Variants in MACROD2 observed in about 807,000 individuals in gnomAD.
MACROD2 encodes the protein mono-ADP ribosylhydrolase 2, also known as ADP-ribose glycohydrolase MACROD2.
Under a neutral mutation model 70.4 loss-of-function variants are expected in MACROD2, and 36 were observed. That is an observed-to-expected ratio of 0.51 (90% CI 0.39 to 0.68). The LOEUF is 0.68. Among genes scored for constraint, MACROD2 ranks in the 30% least tolerant of loss-of-function variants. The pLI is 0.00. For synonymous variants in MACROD2, 172 were observed against 178.8 expected (o/e 0.96, Z 0.30); for missense variants, 496 against 538.4 (o/e 0.92, Z 0.78).
intron 8 of MACROD2, among the ~76,000 whole-genome samples, chr20:15,535,474 G>A (rs896359986): frequency 2.6e-5 from 4 of 152,132 alleles, no homozygotes; most frequent in African/African-American, 4.8e-5. Flanking sequence ...CAGCAACTTC[G>A]GTTTTAGGAA....
chr20:15,389,600 A>T (rs2045765560), intron 6 of MACROD2, among the ~76,000 whole-genome samples: 2 of 152,188 alleles, frequency 1.3e-5, no homozygotes, highest in South Asian at 4.1e-4. Flanking sequence ...AAGTGTGAAT[A>T]TTTTTACTAA....
At chr20:15,292,358 CAT>C (rs374892435) in intron 6 of MACROD2, among the ~76,000 whole-genome samples, 82 of 152,302 alleles carry the variant, frequency 5.4e-4, no homozygotes, top group African/African-American at 1.9e-3. Flanking sequence ...AAAGGTCCAG[CAT>C]ATGACCCAGT....
At chr20:14,925,174 T>C (rs1459611756) in intron 5 of MACROD2, among the ~76,000 whole-genome samples, 1 of 152,160 alleles carries the variant, frequency 6.6e-6, no homozygotes, top group Non-Finnish European at 1.5e-5. Context: ...TCTCTCAATC[T>C]CATCTCAAAG....
At chr20:15,324,101 A>G (rs1000996114) in intron 6 of MACROD2, among the ~76,000 whole-genome samples, 5 of 151,816 alleles carry the variant, frequency 3.3e-5, no homozygotes, top group Non-Finnish European at 4.4e-5. Context: ...TTTTAATTTT[A>G]GTTTGGTTTA....
chr20:15,495,542 C>G (rs529385980), intron 7 of MACROD2, among the ~76,000 whole-genome samples: 1 of 152,264 alleles, frequency 6.6e-6, no homozygotes, highest in African/African-American at 2.4e-5. Flanking sequence ...TACTCTAAGG[C>G]TAAACACCCC....
chr20:15,816,894 A>G (rs1438202913), intron 8 of MACROD2, among the ~76,000 whole-genome samples: 1 of 152,144 alleles, frequency 6.6e-6, no homozygotes, highest in Non-Finnish European at 1.5e-5. Flanking sequence ...AAATTGATAA[A>G]CCCTGATGGT....
chr20:15,923,379 G>A (rs2065441014), intron 10 of MACROD2, among the ~76,000 whole-genome samples: 1 of 152,134 alleles, frequency 6.6e-6, no homozygotes, highest in African/African-American at 2.4e-5. Flanking sequence ...TCACTATCAT[G>A]AGAATAGCAC....
At chr20:14,013,714 C>T (rs1307558062) in intron 2 of MACROD2, among the ~76,000 whole-genome samples, 2 of 90,298 alleles carry the variant, frequency 2.2e-5, no homozygotes, top group Non-Finnish European at 4.0e-5. Context: ...GAGTTTCGCT[C>T]TTGTTGCCCA....
chr20:14,561,576 G>T (rs1450836223), intron 4 of MACROD2, among the ~76,000 whole-genome samples: 8 of 151,562 alleles, frequency 5.3e-5, no homozygotes, highest in Admixed American at 5.3e-4. Flanking sequence ...TTGTTCATTT[G>T]GGGGGTAAAC....
chr20:14,801,838 C>T (rs1459400917), intron 5 of MACROD2, among the ~76,000 whole-genome samples: 2 of 151,966 alleles, frequency 1.3e-5, no homozygotes, highest in African/African-American at 2.4e-5. Flanking sequence ...TGATTAACAC[C>T]GAGCATCACT....
intron 5 of MACROD2, among the ~76,000 whole-genome samples, chr20:14,883,188 T>A (rs1206819851): frequency 6.6e-6 from 1 of 152,208 alleles, no homozygotes; most frequent in Non-Finnish European, 1.5e-5. Flanking sequence ...CTAAAAAGTC[T>A]GTAATTACAT....
intron 2 of MACROD2, among the ~76,000 whole-genome samples, chr20:14,013,228 C>T (rs995948165): frequency 6.6e-6 from 1 of 150,532 alleles, no homozygotes; most frequent in Non-Finnish European, 1.5e-5. Context: ...TATAAGTGGA[C>T]CTGTGCTGTT....
At chr20:14,696,234 A>G (rs977835583) in intron 5 of MACROD2, among the ~76,000 whole-genome samples, 8 of 152,228 alleles carry the variant, frequency 5.3e-5, no homozygotes, top group Admixed American at 2.6e-4. Flanking sequence ...AGCTTAGTAA[A>G]GAAGCATTGA....
intron 15 of MACROD2, among the ~76,000 whole-genome samples, chr20:16,032,674 G>T (rs774996790): frequency 2.0e-5 from 3 of 149,950 alleles, no homozygotes; most frequent in Non-Finnish European, 4.4e-5. Flanking sequence ...AGGGATGGAT[G>T]AGAAGAGGGA....
chr20:15,030,666 C>CAGATAGATAGATAGATAGAT (rs60260667), intron 5 of MACROD2, among the ~76,000 whole-genome samples: 302 of 151,866 alleles, frequency 2.0e-3, no homozygotes, highest in African/African-American at 7.2e-3. Flanking sequence ...GATAGATAGA[C>CAGATAGATAGATAGATAGAT]AGATAGATAG....
rs111727452 is a variant in MACROD2 at position 15,687,286 on chromosome 20, GTATA to G, written c.646-175449_646-175446del. ...TGTGAGTATTGAATTACATGAAATT[GTATA>G]TATATATATTTTATATATATATATA... On this transcript the variant is annotated intron_variant, in intron 8 of 17. Coordinates refer to ENST00000684519, the MANE Select transcript of MACROD2 (RefSeq NM_001351661.2). Among the ~76,000 whole-genome samples the G allele has an allele frequency of 4.0e-3, 599 of 149,204 alleles. 6 individuals carry two copies. The highest frequency in any genetic ancestry group is 0.014 in the African/African-American group (570 of 40,724).
intron 8 of MACROD2, among the ~76,000 whole-genome samples, chr20:15,777,969 CA>C (rs2051761601): frequency 6.6e-6 from 1 of 152,090 alleles, no homozygotes; most frequent in African/African-American, 2.4e-5. Context: ...GTTTAGAATA[CA>C]ACGCTCCCAA....
chr20:14,990,199 A>G (rs757503689), intron 5 of MACROD2, among the ~76,000 whole-genome samples: 1 of 152,034 alleles, frequency 6.6e-6, no homozygotes, highest in African/African-American at 2.4e-5. Context: ...ATGTCAACGA[A>G]TGGGTTTTGG....
At chr20:14,706,725 T>G (rs374522916) in intron 5 of MACROD2, among the ~76,000 whole-genome samples, 1 of 152,108 alleles carries the variant, frequency 6.6e-6, no homozygotes, top group Admixed American at 6.6e-5. Context: ...ACTTTATCAC[T>G]GTCCCTCCAG....
Sources: allele counts gnomAD v4.1 joint callset (sites outside exome capture counted in the v4.1 genomes callset), GRCh38; gene constraint gnomAD v4.1.1; transcripts MANE v1.5; gene names NCBI Gene and HGNC (gene_info 2026-07-23, HGNC 2026-07-21).